Variants in NADK observed in about 807,000 individuals in gnomAD.
NADK encodes NAD kinase, also known as poly(P)/ATP NAD kinase.
NADK carries 22 observed loss-of-function variants against 49.8 expected under a neutral mutation model. The ratio of observed to expected loss-of-function variants is 0.44; its 90% CI spans 0.32 to 0.63. The LOEUF is 0.63. Among genes scored for constraint, NADK ranks in the 30% least tolerant of loss-of-function variants. NADK has a pLI of 0.06. For synonymous variants in NADK, 268 were observed against 253.7 expected (o/e 1.06, Z -0.54); for missense variants, 438 against 609.4 (o/e 0.72, Z 2.96).
Position 1,757,324 on chromosome 1 carries a change from GAA to G in NADK, c.264-16_264-15del. The G allele has an allele frequency of 1.9e-6, 3 of 1,607,982 alleles. No individual in the cohort carries two copies. The highest frequency in any genetic ancestry group is 1.1e-5 in the South Asian group (1 of 90,968). On this transcript the variant is annotated splice_polypyrimidine_tract_variant and intron_variant, in intron 3 of 11. Transcript: ENST00000341426. ...TCCTGAATGTGCCTTTAGGGGAGGA[GAA>G]AAGAGTTCACACCAGCTGCGATCTC...
Position 1,755,892 on chromosome 1 carries a change from C to T in NADK, c.585+366G>A, listed in dbSNP as rs1183340541. 1.8e-5 allele frequency: 8 copies of T among 455,708 alleles called. No homozygotes were observed. In the Admixed American group the frequency reaches 2.8e-4, roughly 16 times the overall value. 28.2% of individuals were successfully genotyped at this position (455,708 alleles called of 1,614,324 possible). ...CCAAGGGCAGAGCCAGGGTCCCCCA[C>T]ACAGCGTGGCCCTACAGCCCCAGGG... On this transcript the variant is annotated intron_variant, in intron 6 of 11. Transcript: ENST00000341426.
At chr1:1,761,855 C>T (rs764382939) in intron 3 of NADK, 97 bp downstream of exon 3, 58 of 1,093,518 alleles carry the variant, frequency 5.3e-5, no homozygotes, top group Middle Eastern at 2.6e-4. Flanking sequence ...ACACACATCC[C>T]GAGGACTCCC....
chr1:1,780,201 A>AAGAT (rs1245685501), upstream of NADK: 2 of 152,420 alleles, frequency 1.3e-5, no homozygotes, highest in African/African-American at 2.4e-5. Context: ...GGGGGCGGAT[A>AAGAT]AGATCATTAA....
intron 3 of NADK, among the ~76,000 whole-genome samples, chr1:1,758,117 C>T (rs207460007): frequency 9.9e-5 from 15 of 152,198 alleles, no homozygotes; most frequent in Admixed American, 6.5e-5. Context: ...TGGCCACCGT[C>T]GTCAGCGCTC....
At chr1:1,761,840 A>G in intron 3 of NADK, 112 bp downstream of exon 3, 1 of 927,326 alleles carries the variant, frequency 1.1e-6, no homozygotes, top group Non-Finnish European at 1.7e-6. Context: ...CGATCCCACA[A>G]CTCCACACAC....
intron 3 of NADK, 23 bp downstream of exon 3, chr1:1,761,929 C>T (rs767460105): frequency 2.9e-5 from 46 of 1,612,158 alleles, no homozygotes; most frequent in Non-Finnish European, 3.3e-5. Context: ...AAGAACCCCC[C>T]GTCCTGGGGC....
intron 3 of NADK, chr1:1,758,791 TG>T (rs1000297994): frequency 6.6e-6 from 3 of 452,218 alleles, no homozygotes; most frequent in African/African-American, 6.4e-5. Context: ...TGCTCCTAAC[TG>T]AGCCGGGTGG....
intron 3 of NADK, 165 bp downstream of exon 3, chr1:1,761,787 C>T: frequency 1.6e-6 from 1 of 627,802 alleles, no homozygotes; most frequent in Non-Finnish European, 2.8e-6. Context: ...ATGACCTAAA[C>T]ATGTACTTCT....
At chr1:1,762,056 C>G in intron 2 of NADK, 21 bp from the exon 3 acceptor site, 2 of 1,607,704 alleles carry the variant, frequency 1.2e-6, no homozygotes, top group Non-Finnish European at 8.5e-7. Context: ...AGGGCAGTGT[C>G]AGAGCCACCA....
At chr1:1,765,128 C>T (rs1645845059) in intron 2 of NADK, 100 bp downstream of exon 2, 17 of 1,217,782 alleles carry the variant, frequency 1.4e-5, no homozygotes, top group East Asian at 2.6e-5. Context: ...CCGGATGCAT[C>T]GACGCAGACT....
At chr1:1,769,894 C>T (rs1645996679) in intron 1 of NADK, among the ~76,000 whole-genome samples, 1 of 151,948 alleles carries the variant, frequency 6.6e-6, no homozygotes. Flanking sequence ...CTGACCAACA[C>T]AGTGAAACCC....
chr1:1,756,801 G>A (rs756224566), intron 4 of NADK, 193 bp from the exon 5 acceptor site: 1 of 1,014,366 alleles, frequency 9.9e-7, no homozygotes, highest in South Asian at 1.3e-5. Flanking sequence ...ACTGGGCGGA[G>A]GGGGCTCCCT....
At chr1:1,759,273 C>T (rs1234813327) in intron 3 of NADK, 4 of 1,543,178 alleles carry the variant, frequency 2.6e-6, no homozygotes, top group Non-Finnish European at 3.5e-6. Context: ...CCCTTGCAGG[C>T]ACGCACGGCT....
intron 3 of NADK, chr1:1,759,710 C>G (rs756190796): frequency 3.2e-6 from 5 of 1,549,140 alleles, no homozygotes; most frequent in Non-Finnish European, 4.4e-6. Flanking sequence ...CTGCATGCCC[C>G]TCAAGGCTGC....
intron 3 of NADK, chr1:1,758,557 C>T: frequency 1.3e-6 from 2 of 1,563,884 alleles, no homozygotes; most frequent in African/African-American, 1.3e-5. Flanking sequence ...TGTGCGCCCA[C>T]ACTAGAAGCC....
At chr1:1,760,682 G>A (rs1275040835) in intron 3 of NADK, among the ~76,000 whole-genome samples, 1 of 149,630 alleles carries the variant, frequency 6.7e-6, no homozygotes, top group African/African-American at 2.5e-5. Context: ...AGGAGGCCCT[G>A]AAGAGAGCCC....
Position 1,754,855 on chromosome 1 carries a change from TCTGTCA to T in NADK, c.689-163_689-158del. On this transcript the variant is annotated intron_variant, in intron 7 of 11. Coordinates refer to ENST00000341426, the MANE Select transcript of NADK (RefSeq NM_023018.5). This position sits in a 1 kb window ranked among gnomAD's most constrained non-coding sequence, Gnocchi z 4.3. ...TTTTTATTTTGAGATGGAGTCTCAC[TCTGTCA>T]CCCAGGCTGGAATGCAGTGGTGTGA... 4 of 675,640 alleles carry T rather than the reference TCTGTCA, an allele frequency of 5.9e-6. No homozygotes were observed. Among genetic ancestry groups the T allele is most frequent in the Non-Finnish European group, 7.2e-6 (3 of 414,440 alleles). 41.9% of individuals were successfully genotyped at this position (675,640 alleles called of 1,614,324 possible). A position where few individuals can be genotyped will look rare whatever the true frequency, so the allele number is the denominator to read the frequency against.
At chr1:1,759,684 G>C in intron 3 of NADK, 1 of 1,534,138 alleles carries the variant, frequency 6.5e-7, no homozygotes, top group Non-Finnish European at 8.8e-7. Context: ...GTGCTCCCAT[G>C]GGGGTGCCGA....
chr1:1,759,614 C>G (rs768937802), intron 3 of NADK: 13 of 1,201,072 alleles, frequency 1.1e-5, no homozygotes, highest in Non-Finnish European at 1.5e-5. Flanking sequence ...CCCTGCCCCT[C>G]CACAGCGGGG....
Sources: allele counts gnomAD v4.1 joint callset (sites outside exome capture counted in the v4.1 genomes callset), GRCh38; gene constraint gnomAD v4.1.1; non-coding constraint Gnocchi (gnomAD v3.1); transcripts MANE v1.5; gene names NCBI Gene and HGNC (gene_info 2026-07-23, HGNC 2026-07-21).